The following SLCO3A1 variants were observed in gnomAD, a reference collection of about 807,000 sequenced individuals.
The protein encoded by SLCO3A1 is solute carrier organic anion transporter family member 3A1.
In SLCO3A1, 27 loss-of-function variants were observed where a neutral mutation model predicts 63.1. The ratio of observed to expected loss-of-function variants is 0.43; its 90% confidence interval spans 0.32 to 0.59. The LOEUF (loss-of-function observed/expected upper bound fraction) is 0.59. Among genes scored for constraint, SLCO3A1 ranks in the 20% least tolerant of loss-of-function variants. The pLI is 0.09. For synonymous variants in SLCO3A1, 473 were observed against 409.9 expected, an observed-to-expected ratio of 1.15 and a Z score of -1.86; for missense variants, 773 against 945.8, an observed-to-expected ratio of 0.82 and a Z score of 2.40.
chr15:92,026,662 G>C (rs140740793), intron 2 of SLCO3A1, among the ~76,000 whole-genome samples: 2 of 152,286 alleles, frequency 1.3e-5, no homozygotes, highest in African/African-American at 4.8e-5. Context: ...AAAAAGCTAT[G>C]CAGGACAAGG....
At chr15:92,058,405 A>G (rs747416288) in intron 2 of SLCO3A1, among the ~76,000 whole-genome samples, 3 of 152,052 alleles carry the variant, frequency 2.0e-5, no homozygotes, top group Non-Finnish European at 4.4e-5. Context: ...CAAATGATTG[A>G]GTTTTACCCC....
At chr15:92,160,567 A>G (rs1473910651) in intron 9 of SLCO3A1, among the ~76,000 whole-genome samples, 1 of 152,132 alleles carries the variant, frequency 6.6e-6, no homozygotes, top group African/African-American at 2.4e-5. Flanking sequence ...TGGGATTTTG[A>G]GCTTGGAGCT....
chr15:92,015,249 A>T (rs773975817), intron 2 of SLCO3A1, among the ~76,000 whole-genome samples: 8 of 152,066 alleles, frequency 5.3e-5, no homozygotes, highest in Non-Finnish European at 1.0e-4. Flanking sequence ...ATCCATTTTC[A>T]TACTGCTGTG....
At chr15:92,150,284 C>T (rs1433027291) in intron 8 of SLCO3A1, among the ~76,000 whole-genome samples, 1 of 152,140 alleles carries the variant, frequency 6.6e-6, no homozygotes, top group Non-Finnish European at 1.5e-5. Flanking sequence ...TGGTGCCCAC[C>T]CAGATTGAGG....
intron 9 of SLCO3A1, among the ~76,000 whole-genome samples, chr15:92,153,238 A>G (rs2048329648): frequency 6.6e-6 from 1 of 151,074 alleles, no homozygotes; most frequent in Admixed American, 6.6e-5. Context: ...GATACAGCTG[A>G]AACAAACAAA....
chr15:91,861,986 G>A (rs1897059525), intron 1 of SLCO3A1, among the ~76,000 whole-genome samples: 1 of 151,842 alleles, frequency 6.6e-6, no homozygotes, highest in African/African-American at 2.4e-5. Flanking sequence ...GCAGGAAGAA[G>A]TGTGAACTCA....
chr15:91,995,997 T>C (rs2046187655), intron 2 of SLCO3A1, among the ~76,000 whole-genome samples: 1 of 152,160 alleles, frequency 6.6e-6, no homozygotes, highest in Non-Finnish European at 1.5e-5. Flanking sequence ...CTTTTACCTT[T>C]TTCATTTACT....
chr15:92,016,254 T>TAGATAGATAAGA, intron 2 of SLCO3A1, among the ~76,000 whole-genome samples: 4 of 95,658 alleles, frequency 4.2e-5, no homozygotes, highest in African/African-American at 1.2e-4. Flanking sequence ...GATAGATAGA[T>TAGATAGATAAGA]TAGATAGATA....
chr15:92,137,235 G>T, intron 7 of SLCO3A1, among the ~76,000 whole-genome samples: 2 of 119,846 alleles, frequency 1.7e-5, no homozygotes, highest in Admixed American at 9.5e-5. Flanking sequence ...TTGGTTTTTT[G>T]TTCTTGTGAT....
intron 1 of SLCO3A1, among the ~76,000 whole-genome samples, chr15:91,869,301 C>G (rs1196256038): frequency 6.6e-6 from 1 of 151,802 alleles, no homozygotes; most frequent in African/African-American, 2.4e-5. Flanking sequence ...TTTGGGAGGC[C>G]GAGGTGGGTG....
At chr15:92,027,740 C>T (rs1378277671) in intron 2 of SLCO3A1, among the ~76,000 whole-genome samples, 2 of 152,220 alleles carry the variant, frequency 1.3e-5, no homozygotes, top group Admixed American at 1.3e-4. Context: ...ACACTTACCA[C>T]ATAAACGAAG....
intron 7 of SLCO3A1, among the ~76,000 whole-genome samples, chr15:92,143,880 C>G (rs1293441881): frequency 6.6e-6 from 1 of 152,102 alleles, no homozygotes; most frequent in African/African-American, 2.4e-5. Flanking sequence ...AGGGGAACAT[C>G]CCAGGAAGCT....
intron 1 of SLCO3A1, among the ~76,000 whole-genome samples, chr15:91,906,850 AT>A (rs1898322772): frequency 2.0e-5 from 3 of 152,034 alleles, no homozygotes. Context: ...GAGAGTCTTT[AT>A]TTTTCTATGA....
chr15:91,888,755 G>T (rs1051504962), intron 1 of SLCO3A1, among the ~76,000 whole-genome samples: 1 of 152,050 alleles, frequency 6.6e-6, no homozygotes, highest in Non-Finnish European at 1.5e-5. Flanking sequence ...GACAGAGATG[G>T]AAAGATCATT....
chr15:92,085,602 C>G (rs539409234), intron 2 of SLCO3A1, among the ~76,000 whole-genome samples: 16 of 152,358 alleles, frequency 1.1e-4, no homozygotes, highest in African/African-American at 3.6e-4. Context: ...TGTGTATGTA[C>G]TTATATCACG....
chr15:92,015,474 C>G (rs972592398), intron 2 of SLCO3A1, among the ~76,000 whole-genome samples: 2 of 152,164 alleles, frequency 1.3e-5, no homozygotes, highest in South Asian at 4.2e-4. Context: ...CTCACTATCA[C>G]GAGAACAGCA....
At chr15:91,981,409 C>A (rs150019936) in intron 2 of SLCO3A1, among the ~76,000 whole-genome samples, 1 of 152,234 alleles carries the variant, frequency 6.6e-6, no homozygotes, top group African/African-American at 2.4e-5. Context: ...CTTTAGACTC[C>A]GCTTCATGCC....
intron 2 of SLCO3A1, among the ~76,000 whole-genome samples, chr15:91,940,893 C>T (rs1899597536): frequency 6.6e-6 from 1 of 152,132 alleles, no homozygotes; most frequent in African/African-American, 2.4e-5. Flanking sequence ...TTCTGGAAAC[C>T]CTTGAGAACA....
At position 91,968,789 on chromosome 15, in the gene SLCO3A1, T is replaced by C. The variant is rs1003924640; in HGVS notation, c.646+52331T>C. ...TTCTTTGTGCGCTCACAGCAGGCACTGCACTGTCCGTGGTTACCCTTAGGG... is the reference window on the plus strand; with the variant it reads ...TTCTTTGTGCGCTCACAGCAGGCACCGCACTGTCCGTGGTTACCCTTAGGG... On this transcript the variant is annotated intron_variant, in intron 2 of 9. Coordinates refer to ENST00000318445, the MANE Select transcript of SLCO3A1 (RefSeq NM_013272.4). The surrounding 1 kb of genome is among the most constrained non-coding windows in gnomAD (Gnocchi z 4.2). Among the ~76,000 whole-genome samples the C allele has an allele frequency of 3.3e-5, 5 of 152,244 alleles. No individual in the cohort carries two copies. The highest frequency in any genetic ancestry group is 1.2e-4 in the African/African-American group (5 of 41,478).
Sources: gnomAD v4.1 joint callset for allele counts (sites outside exome capture counted in the v4.1 genomes callset) on GRCh38, gnomAD v4.1.1 for gene constraint, Gnocchi (gnomAD v3.1) non-coding constraint, MANE v1.5 for transcripts, NCBI Gene and HGNC (gene_info 2026-07-23, HGNC 2026-07-21) for gene names.